Variants in GPC5 observed in about 807,000 individuals in gnomAD.
GPC5 encodes glypican 5.
In GPC5, 47 loss-of-function variants were observed where a neutral mutation model predicts 53.9. That is an observed-to-expected ratio of 0.87 (90% CI 0.69 to 1.11). The LOEUF (loss-of-function observed/expected upper bound fraction) is 1.11. Among genes scored for constraint, GPC5 ranks in the 50% most tolerant of loss-of-function variants. The pLI, the probability that GPC5 is intolerant of heterozygous loss-of-function variation, is 0.00. For synonymous variants in GPC5, 286 were observed against 263.3 expected (o/e 1.09, Z -0.84); for missense variants, 748 against 713.1 (o/e 1.05, Z -0.56).
chr13:91,866,814 A>G (rs2039089789), intron 5 of GPC5, among the ~76,000 whole-genome samples: 1 of 152,216 alleles, frequency 6.6e-6, no homozygotes, highest in Non-Finnish European at 1.5e-5. Flanking sequence ...TATCTTTTCT[A>G]TAATAATGAA....
chr13:91,847,956 G>T (rs1172072966), intron 5 of GPC5, among the ~76,000 whole-genome samples: 2 of 152,178 alleles, frequency 1.3e-5, no homozygotes, highest in Middle Eastern at 3.2e-3. Flanking sequence ...AAAGATCATT[G>T]TAGTTGAGCA....
chr13:91,956,170 C>A (rs886933568), intron 6 of GPC5, among the ~76,000 whole-genome samples: 1 of 151,984 alleles, frequency 6.6e-6, no homozygotes, highest in Non-Finnish European at 1.5e-5. Context: ...TTTTCTCCCC[C>A]CCACCCCAAT....
intron 7 of GPC5, among the ~76,000 whole-genome samples, chr13:92,706,394 G>T (rs866656787): frequency 1.4e-4 from 22 of 151,874 alleles, no homozygotes; most frequent in Middle Eastern, 3.4e-3. Flanking sequence ...TGATCATCTG[G>T]CTGGAAGTAT....
At chr13:92,614,798 C>A (rs1271581232) in intron 7 of GPC5, among the ~76,000 whole-genome samples, 1 of 152,114 alleles carries the variant, frequency 6.6e-6, no homozygotes, top group Non-Finnish European at 1.5e-5. Context: ...ATTTCAAATT[C>A]TTTTTCAAAT....
chr13:92,464,442 AT>A (rs915499569), intron 7 of GPC5, among the ~76,000 whole-genome samples: 59 of 151,956 alleles, frequency 3.9e-4, no homozygotes, highest in African/African-American at 1.3e-3. Flanking sequence ...TAAACTCCAT[AT>A]TTTTTTTGTA....
At chr13:92,123,435 AAG>A (rs2041667660) in intron 6 of GPC5, among the ~76,000 whole-genome samples, 1 of 152,170 alleles carries the variant, frequency 6.6e-6, no homozygotes, top group African/African-American at 2.4e-5. Context: ...GATAATAAAA[AAG>A]AAAAGGCAGG....
At chr13:92,544,336 G>A (rs1222001506) in intron 7 of GPC5, among the ~76,000 whole-genome samples, 1 of 152,084 alleles carries the variant, frequency 6.6e-6, no homozygotes, top group African/African-American at 2.4e-5. Flanking sequence ...TTAATAGAAA[G>A]GTGTTTTCTT....
rs2139502040 is a variant in GPC5 at position 91,642,990 on chromosome 13, G to A, written c.326-50197G>A. On this transcript the variant is annotated intron_variant, in intron 2 of 7. Coordinates refer to ENST00000377067, the MANE Select transcript of GPC5 (RefSeq NM_004466.6). ...CTCCTGCTTGCCACATAAGTACGTTGAGTCCTTGATATTGGAAGCTACATT... is the reference window on the plus strand; with the variant it reads ...CTCCTGCTTGCCACATAAGTACGTTAAGTCCTTGATATTGGAAGCTACATT... Among the ~76,000 whole-genome samples the A allele has an allele frequency of 1.3e-5, 2 of 152,204 alleles. 1 individual carries two copies. Among genetic ancestry groups the A allele is most frequent in the Middle Eastern group, 6.8e-3 (2 of 292 alleles).
intron 7 of GPC5, among the ~76,000 whole-genome samples, chr13:92,699,833 G>A (rs1887672012): frequency 1.3e-5 from 2 of 152,168 alleles, no homozygotes; most frequent in South Asian, 4.1e-4. Flanking sequence ...TTGCTGAGAA[G>A]TGTTTTACTT....
At chr13:92,582,412 G>T (rs1395802857) in intron 7 of GPC5, among the ~76,000 whole-genome samples, 1 of 151,946 alleles carries the variant, frequency 6.6e-6, no homozygotes, top group Non-Finnish European at 1.5e-5. Context: ...GATTCCTATA[G>T]CTTTAGAGTA....
intron 7 of GPC5, among the ~76,000 whole-genome samples, chr13:92,616,329 A>T (rs1192893563): frequency 6.6e-6 from 1 of 152,170 alleles, no homozygotes; most frequent in Admixed American, 6.6e-5. Flanking sequence ...GTCTTTTGCC[A>T]ATGTATAGTA....
At chr13:92,611,083 A>G (rs995995104) in intron 7 of GPC5, among the ~76,000 whole-genome samples, 2 of 152,060 alleles carry the variant, frequency 1.3e-5, no homozygotes, top group Non-Finnish European at 2.9e-5. Context: ...CAGATATATA[A>G]GAGATATGAG....
chr13:92,385,487 C>CAT lies in GPC5; in HGVS notation c.1561+240499_1561+240500insTA, dbSNP rs1566567682. Among the ~76,000 whole-genome samples the CAT allele has an allele frequency of 2.2e-4, 12 of 55,424 alleles. 1 individual carries two copies. Among genetic ancestry groups the CAT allele is most frequent in the African/African-American group, 6.6e-4 (7 of 10,564 alleles). The allele number at this position is 55,424 out of a possible 152,430, so 36.4% of individuals were successfully genotyped here. A position where few individuals can be genotyped will look rare whatever the true frequency, so the allele number is the denominator to read the frequency against. On this transcript the variant is annotated intron_variant, in intron 7 of 7. Coordinates refer to ENST00000377067, the MANE Select transcript of GPC5 (RefSeq NM_004466.6). Reference sequence around the variant, plus strand: ...ACATATATACATATATACATATATACACATATATACATACATATACATATA... The same window carrying CAT: ...ACATATATACATATATACATATATACATACATATATACATACATATACATATA...
At chr13:92,038,699 TAGA>T (rs1566407177) in intron 6 of GPC5, among the ~76,000 whole-genome samples, 2 of 151,692 alleles carry the variant, frequency 1.3e-5, no homozygotes, top group Non-Finnish European at 2.9e-5. Context: ...GATAGATAGA[TAGA>T]TAGATAGATA....
intron 5 of GPC5, among the ~76,000 whole-genome samples, chr13:91,800,133 AT>A (rs34295820): frequency 0.36 from 54,557 of 151,748 alleles, 11,109 homozygotes; most frequent in African/African-American, 0.56. Flanking sequence ...CTGATTTATG[AT>A]TTTTCCTGCA....
At chr13:91,951,423 G>T (rs1229955675) in intron 6 of GPC5, among the ~76,000 whole-genome samples, 2 of 152,116 alleles carry the variant, frequency 1.3e-5, no homozygotes, top group Admixed American at 1.3e-4. Context: ...TAACTCTCTT[G>T]ATTGTGAATT....
intron 5 of GPC5, among the ~76,000 whole-genome samples, chr13:91,778,660 G>T (rs535508009): frequency 6.6e-5 from 10 of 152,230 alleles, no homozygotes; most frequent in East Asian, 1.9e-4. Context: ...GCCCTCCAAG[G>T]TCTAGCATCT....
At chr13:91,706,456 A>G (rs1437529871) in intron 3 of GPC5, among the ~76,000 whole-genome samples, 2 of 152,114 alleles carry the variant, frequency 1.3e-5, no homozygotes, top group African/African-American at 2.4e-5. Context: ...TCACCTTTCA[A>G]GCAGCTTGAT....
Position 92,344,638 on chromosome 13 carries a change from T to A in GPC5, c.1561+199649T>A, listed in dbSNP as rs1008432651. The stretch of plus-strand genomic sequence containing the variant: ...TAAAAGGAAAAATACTGGTTTGGAA[T>A]TTTTATGGTAGTTTTGGGGAGTGGT... On this transcript the variant is annotated intron_variant, in intron 7 of 7. Transcript: ENST00000377067. Among the ~76,000 whole-genome samples, 5 of 152,246 alleles carry A rather than the reference T, an allele frequency of 3.3e-5. No individual in the cohort carries two copies. The East Asian group carries it at 5.8e-4, about 18-fold the overall frequency.
Sources: allele counts gnomAD v4.1 joint callset (sites outside exome capture counted in the v4.1 genomes callset), GRCh38; gene constraint gnomAD v4.1.1; transcripts MANE v1.5; gene names NCBI Gene and HGNC (gene_info 2026-07-23, HGNC 2026-07-21).